The following ZBTB7C variants were observed in gnomAD, a reference collection of about 807,000 sequenced individuals.
ZBTB7C encodes zinc finger and BTB domain containing 7C.
ZBTB7C carries 8 observed loss-of-function variants against 25.7 expected under a neutral mutation model. The ratio of observed to expected loss-of-function variants is 0.31; its 90% confidence interval spans 0.18 to 0.56. ZBTB7C has a LOEUF of 0.56. ZBTB7C is among the 20% of genes least tolerant of loss of function. The pLI, the probability that ZBTB7C is intolerant of heterozygous loss-of-function variation, is 0.91. For missense variants in ZBTB7C, 824 were observed against 855.2 expected, an observed-to-expected ratio of 0.96 and a Z score of 0.46; for synonymous variants, 394 against 369.0, an observed-to-expected ratio of 1.07 and a Z score of -0.78.
At chr18:48,273,692 G>A (rs2044556777) in intron 2 of ZBTB7C, among the ~76,000 whole-genome samples, 1 of 151,930 alleles carries the variant, frequency 6.6e-6, no homozygotes, top group Non-Finnish European at 1.5e-5. Context: ...CGTTAAGATT[G>A]ATTAATTATG....
intron 1 of ZBTB7C, among the ~76,000 whole-genome samples, chr18:48,389,230 CTCTCTCGTGTGTGTGTGTGT>C (rs2047830463): frequency 1.8e-4 from 14 of 78,826 alleles, no homozygotes; most frequent in African/African-American, 6.1e-4. Context: ...CTCTCTCTCT[CTCTCTCGTGTGTGTGTGTGT>C]GTGTGTGTGT....
At chr18:48,304,756 G>A (rs987416417) in intron 2 of ZBTB7C, among the ~76,000 whole-genome samples, 4 of 146,634 alleles carry the variant, frequency 2.7e-5, no homozygotes, top group African/African-American at 7.6e-5. Context: ...AAGGAGAATC[G>A]CTTGAACTTG....
intron 3 of ZBTB7C, among the ~76,000 whole-genome samples, chr18:48,167,595 TGTGC>T (rs1269791132): frequency 2.2e-4 from 33 of 150,190 alleles, no homozygotes; most frequent in Non-Finnish European, 4.2e-4. Context: ...TGTGTGTGTG[TGTGC>T]GCGCGTGCAC....
At chr18:48,110,867 T>C (rs1322550835) in intron 3 of ZBTB7C, among the ~76,000 whole-genome samples, 1 of 152,094 alleles carries the variant, frequency 6.6e-6, no homozygotes, top group Non-Finnish European at 1.5e-5. Flanking sequence ...GAGGGCATAG[T>C]CTAGCTATGA....
chr18:48,136,921 C>T lies in ZBTB7C; in HGVS notation c.-17+49013G>A, dbSNP rs374841629. On this transcript the variant is annotated intron_variant, in intron 3 of 4. Coordinates refer to ENST00000590800, the MANE Select transcript of ZBTB7C (RefSeq NM_001318841.2). ...CCGGCCGCCCGGAAGGGCTTCCTCC[C>T]CCACCCCCTCCCCACGGCCCGGCCG... 3.2e-5 allele frequency: 31 copies of T among 959,578 alleles called. No homozygotes were observed. The African/African-American group carries it at 4.6e-4, about 14-fold the overall frequency. 59.4% of individuals were successfully genotyped at this position (959,578 alleles called of 1,614,324 possible).
chr18:48,394,208 C>A (rs978249689), intron 1 of ZBTB7C, among the ~76,000 whole-genome samples: 1 of 152,170 alleles, frequency 6.6e-6, no homozygotes, highest in African/African-American at 2.4e-5. Flanking sequence ...CCTGCAAGAC[C>A]TTAAGAAATG....
intron 2 of ZBTB7C, among the ~76,000 whole-genome samples, chr18:48,220,170 T>C (rs916031200): frequency 3.3e-5 from 5 of 152,194 alleles, no homozygotes; most frequent in African/African-American, 1.2e-4. Flanking sequence ...CCAGCCCCAG[T>C]TCCCTCTGAA....
chr18:48,050,781 C>T (rs1243597759), intron 3 of ZBTB7C, among the ~76,000 whole-genome samples: 1 of 152,072 alleles, frequency 6.6e-6, no homozygotes, highest in Non-Finnish European at 1.5e-5. Flanking sequence ...AGTTTTTTTT[C>T]TGCAACCAGT....
intron 2 of ZBTB7C, among the ~76,000 whole-genome samples, chr18:48,273,521 AT>A (rs1233081104): frequency 6.6e-6 from 1 of 152,204 alleles, no homozygotes; most frequent in African/African-American, 2.4e-5. Flanking sequence ...CAACAATGAA[AT>A]ATCATTTTAC....
At chr18:48,360,311 A>G (rs73957645) in intron 1 of ZBTB7C, among the ~76,000 whole-genome samples, 3,701 of 152,326 alleles carry the variant, frequency 0.024, 155 homozygotes, top group African/African-American at 0.083. Context: ...GAGTTAGAGG[A>G]GACTCCTGCA....
rs888756480 is a variant in ZBTB7C, at chr18:48,073,179, G to A, written c.-16-32056C>T. On this transcript the variant is annotated intron_variant, in intron 3 of 4. Transcript: ENST00000590800. Reference sequence around the variant, plus strand: ...AATTAAACTGGACTTGTCCGACTTCGCTTTCTTTCTTGTCCCCTCTAAGCA... The same window carrying A: ...AATTAAACTGGACTTGTCCGACTTCACTTTCTTTCTTGTCCCCTCTAAGCA... Among the ~76,000 whole-genome samples the A allele has an allele frequency of 4.1e-4, 62 of 152,124 alleles. 1 individual carries two copies. The highest frequency in any genetic ancestry group is 1.4e-3 in the African/African-American group (60 of 41,428).
Position 48,029,332 on chromosome 18 carries a change from G to C in ZBTB7C, c.1788C>G (p.Ala596=). The change falls in exon 5 of 5, where the codon GCC becomes GCG. Residue 596 remains alanine (A), a synonymous_variant. Transcript: ENST00000590800. The part of the protein sequence containing the change: ...RPYFPLPDPW[A]AGLAGLPGLA... ...GCCCAGGGAGGCCGGCCAGGCCGGC[G>C]GCCCAAGGGTCGGGCAGCGGGAAGT... The C allele has an allele frequency of 3.2e-6, 5 of 1,541,450 alleles. No individual in the cohort carries two copies. Among genetic ancestry groups the C allele is most frequent in the Non-Finnish European group, 4.4e-6 (5 of 1,149,030 alleles).
At chr18:48,054,161 T>TG (rs2036818123) in intron 3 of ZBTB7C, among the ~76,000 whole-genome samples, 1 of 152,134 alleles carries the variant, frequency 6.6e-6, no homozygotes. Flanking sequence ...AGGGGCCTCA[T>TG]GAGCATTGGA....
rs898594088 is a variant in ZBTB7C at position 48,040,150 on chromosome 18, C to T, written c.958G>A (p.Gly320Arg). The change falls in exon 4 of 5, where the codon GGG (glycine) becomes AGG (arginine). Residue 320 changes from glycine (G) to arginine (R), a missense_variant. Around this residue, in one of 4 missense-constraint regions of ZBTB7C, gnomAD observed 316 missense variants for 299.2 expected, o/e 1.06. Coordinates refer to ENST00000590800, the MANE Select transcript of ZBTB7C (RefSeq NM_001318841.2). ...FKDMFPDLPG[G>R]PLGPIKAEND... ...TCCGCCTTGATGGGTCCCAGAGGCCCCCCCGGCAGGTCAGGGAACATGTCC... is the reference window on the plus strand; with the variant it reads ...TCCGCCTTGATGGGTCCCAGAGGCCTCCCCGGCAGGTCAGGGAACATGTCC... The T allele has an allele frequency of 1.3e-6, 2 of 1,580,146 alleles. No homozygotes were observed. The highest frequency in any genetic ancestry group is 1.8e-5 in the Admixed American group (1 of 56,366).
intron 2 of ZBTB7C, among the ~76,000 whole-genome samples, chr18:48,244,297 C>G (rs9953124): frequency 0.15 from 22,348 of 152,082 alleles, 2,231 homozygotes; most frequent in East Asian, 0.49. Context: ...TGCCTGTAGT[C>G]CCAGCTACTC....
intron 2 of ZBTB7C, among the ~76,000 whole-genome samples, chr18:48,264,339 CAGAG>C (rs776093853): frequency 6.6e-6 from 1 of 152,058 alleles, no homozygotes; most frequent in Non-Finnish European, 1.5e-5. Flanking sequence ...TGGGATAAAT[CAGAG>C]AGAAACAAAG....
chr18:48,149,586 G>A (rs893136732), intron 3 of ZBTB7C: 1 of 152,194 alleles, frequency 6.6e-6, no homozygotes, highest in African/African-American at 2.4e-5. Context: ...AGGACCATCT[G>A]TCTTGCCAGT....
At chr18:48,129,987 C>T (rs1304606130) in intron 3 of ZBTB7C, among the ~76,000 whole-genome samples, 1 of 152,160 alleles carries the variant, frequency 6.6e-6, no homozygotes, top group Non-Finnish European at 1.5e-5. Flanking sequence ...CTGGCTGAGA[C>T]CAGGGATGAC....
intron 2 of ZBTB7C, among the ~76,000 whole-genome samples, chr18:48,197,231 T>C (rs2042338945): frequency 6.6e-6 from 1 of 152,084 alleles, no homozygotes; most frequent in Non-Finnish European, 1.5e-5. Flanking sequence ...CAGATCAAAC[T>C]GCTCCTGAAG....
Sources: gnomAD v4.1 joint callset for allele counts (sites outside exome capture counted in the v4.1 genomes callset) on GRCh38, gnomAD v4.1.1 for gene constraint, gnomAD v4.1.1 regional missense constraint, MANE v1.5 for transcripts, NCBI Gene and HGNC (gene_info 2026-07-23, HGNC 2026-07-21) for gene names.